DNAAF6: variants seen among roughly 807,000 people sequenced by gnomAD.
The protein encoded by DNAAF6 is PIH1 domain containing 3.
In DNAAF6, 3 loss-of-function variants were observed where a neutral mutation model predicts 13.7. The observed-to-expected ratio is 0.22, with a 90% CI of 0.10 to 0.56. The LOEUF (loss-of-function observed/expected upper bound fraction) is 0.56. DNAAF6 is among the 20% of genes least tolerant of loss of function. The pLI is 0.92. For missense variants in DNAAF6, 130 were observed against 151.0 expected (o/e 0.86, Z 0.73); for synonymous variants, 54 against 49.2 (o/e 1.10, Z -0.41).
chrX:107,243,056 TG>T (rs373519426), intron 6 of DNAAF6, 112 bp from the exon 7 acceptor site: 749 of 728,745 alleles, frequency 1.0e-3, no homozygotes, highest in African/African-American at 1.2e-3. Flanking sequence ...ATCTAAATAT[TG>T]GGGGGGGGTT....
intron 2 of DNAAF6, among the ~76,000 whole-genome samples, chrX:107,215,262 A>G (rs5962805): frequency 0.37 from 40,579 of 110,182 alleles, 8,068 homozygotes; most frequent in African/African-American, 0.76. Flanking sequence ...TGTCCATGGA[A>G]AGTATACCAA....
chrX:107,217,521 G>A (rs907258136), intron 3 of DNAAF6, among the ~76,000 whole-genome samples: 1 of 111,588 alleles, frequency 9.0e-6, no homozygotes, highest in Non-Finnish European at 1.9e-5. Context: ...ACATTAAGAG[G>A]CTTATACATT....
intron 5 of DNAAF6, 73 bp from the exon 6 acceptor site, chrX:107,238,849 C>G (rs1258952632): frequency 1.7e-6 from 2 of 1,169,173 alleles, no homozygotes; most frequent in Non-Finnish European, 2.3e-6. Context: ...CTCTTTTCCC[C>G]ATATATTCTT....
At chrX:107,226,928 G>C (rs1450175916) in intron 5 of DNAAF6, among the ~76,000 whole-genome samples, 1 of 111,009 alleles carries the variant, frequency 9.0e-6, no homozygotes, top group East Asian at 2.8e-4. Flanking sequence ...GTCACCATCT[G>C]GCAGGCAGAC....
intron 4 of DNAAF6, among the ~76,000 whole-genome samples, chrX:107,221,845 TTCAA>T (rs1343651160): frequency 9.1e-6 from 1 of 109,712 alleles, no homozygotes; most frequent in Non-Finnish European, 1.9e-5. Flanking sequence ...TGGTCAGAAG[TTCAA>T]TCAAGTCCTT....
At chrX:107,235,822 C>T (rs1228451807) in intron 5 of DNAAF6, among the ~76,000 whole-genome samples, 2 of 110,593 alleles carry the variant, frequency 1.8e-5, no homozygotes, top group Non-Finnish European at 3.8e-5. Context: ...TAATAGATGA[C>T]CAGTAAACAA....
At chrX:107,224,680 C>A (rs1448633554) in intron 5 of DNAAF6, among the ~76,000 whole-genome samples, 2 of 109,285 alleles carry the variant, frequency 1.8e-5, no homozygotes, top group African/African-American at 6.6e-5. Context: ...TAGTTAGATA[C>A]AATAAACACG....
intron 5 of DNAAF6, among the ~76,000 whole-genome samples, chrX:107,227,243 C>T (rs568712030): frequency 4.1e-4 from 45 of 110,866 alleles, no homozygotes; most frequent in African/African-American, 1.3e-3. Flanking sequence ...AAGCATTTAC[C>T]ACCAAGCCCG....
intron 6 of DNAAF6, 65 bp from the exon 7 acceptor site, chrX:107,243,104 T>G (rs1353100221): frequency 1.8e-6 from 2 of 1,125,812 alleles, no homozygotes; most frequent in Middle Eastern, 3.1e-4. Flanking sequence ...TTGTTTGCAA[T>G]TGTCTTATTG....
In DNAAF6 at chrX:107,212,873, A is replaced by T. The variant is rs755171614; in HGVS notation, c.-3A>T. Reference sequence around the variant, plus strand: ...TCTTTCTGATTATCTTTTTCTTCAGATAATGGAATCTGAAAATATGGATTC... The same window carrying T: ...TCTTTCTGATTATCTTTTTCTTCAGTTAATGGAATCTGAAAATATGGATTC... On this transcript the variant is annotated splice_region_variant and 5_prime_UTR_variant, in exon 2 of 7. Transcript: ENST00000372453. 4 of 1,181,038 alleles carry T rather than the reference A, an allele frequency of 3.4e-6. No individual in the cohort carries two copies. The Admixed American group carries it at 9.8e-5, about 29-fold the overall frequency.
At chrX:107,237,710 C>T (rs967483274) in intron 5 of DNAAF6, among the ~76,000 whole-genome samples, 1 of 112,249 alleles carries the variant, frequency 8.9e-6, no homozygotes, top group African/African-American at 3.2e-5. Flanking sequence ...GTGGGCCGGG[C>T]GCGTGGCTTA....
intron 5 of DNAAF6, among the ~76,000 whole-genome samples, chrX:107,223,461 A>G (rs942197807): frequency 1.1e-4 from 12 of 111,841 alleles, no homozygotes; most frequent in South Asian, 3.7e-4. Flanking sequence ...TACCAACAAT[A>G]TCAATGATAC....
chrX:107,235,786 G>A, intron 5 of DNAAF6, among the ~76,000 whole-genome samples: 1 of 110,637 alleles, frequency 9.0e-6, no homozygotes, highest in South Asian at 3.9e-4. Context: ...ATAAATTGGG[G>A]GGGGGAGGTA....
At chrX:107,238,149 C>A (rs1270654883) in intron 5 of DNAAF6, among the ~76,000 whole-genome samples, 1 of 111,895 alleles carries the variant, frequency 8.9e-6, no homozygotes, top group Non-Finnish European at 1.9e-5. Context: ...GAATAATATT[C>A]CATTGTATGG....
chrX:107,243,107 T>C (rs754605833), intron 6 of DNAAF6, 62 bp from the exon 7 acceptor site: 17 of 1,144,336 alleles, frequency 1.5e-5, no homozygotes, highest in Non-Finnish European at 2.0e-5. Flanking sequence ...TTTGCAATTG[T>C]CTTATTGAAA....
intron 5 of DNAAF6, among the ~76,000 whole-genome samples, chrX:107,230,120 C>T (rs1928355599): frequency 1.8e-5 from 2 of 111,894 alleles, no homozygotes; most frequent in African/African-American, 6.5e-5. Flanking sequence ...TAACATTCAC[C>T]CAGTTGCTCA....
At chrX:107,219,602 A>T (rs984193318) in intron 4 of DNAAF6, among the ~76,000 whole-genome samples, 1 of 111,794 alleles carries the variant, frequency 8.9e-6, no homozygotes, top group African/African-American at 3.2e-5. Context: ...ATATTTATAT[A>T]CATAGATTAA....
At chrX:107,228,451 A>T (rs916175907) in intron 5 of DNAAF6, among the ~76,000 whole-genome samples, 2 of 110,371 alleles carry the variant, frequency 1.8e-5, no homozygotes, top group East Asian at 5.7e-4. Context: ...GGAGAGATTT[A>T]TGTATGCATT....
chrX:107,219,273 G>A lies in DNAAF6; in HGVS notation c.332+304G>A, dbSNP rs184866202. Among the ~76,000 whole-genome samples, 153 of 111,806 alleles carry A rather than the reference G, an allele frequency of 1.4e-3. 1 individual carries two copies. Among genetic ancestry groups the A allele is most frequent in the African/African-American group, 4.7e-3 (146 of 30,850 alleles). On this transcript the variant is annotated intron_variant, in intron 4 of 6. Coordinates refer to ENST00000372453, the MANE Select transcript of DNAAF6 (RefSeq NM_173494.2). ...TGGAACTAGCAGTTGGAGAAAGCCA[G>A]CCCATTAAATTGCAAGCATTCATAC...
Sources: allele counts gnomAD v4.1 joint callset (sites outside exome capture counted in the v4.1 genomes callset), GRCh38; gene constraint gnomAD v4.1.1; transcripts MANE v1.5; gene names NCBI Gene and HGNC (gene_info 2026-07-23, HGNC 2026-07-21).